The following ILRUN variants were observed in gnomAD, a reference collection of about 807,000 sequenced individuals.
ILRUN encodes the protein inflammation and lipid regulator with UBA-like and NBR1-like domains, also known as protein ILRUN.
In ILRUN, 3 loss-of-function variants were observed where a neutral mutation model predicts 33.8. The ratio of observed to expected loss-of-function variants is 0.09; its 90% CI spans 0.04 to 0.23. The LOEUF (loss-of-function observed/expected upper bound fraction) is 0.23. Ranked by LOEUF, ILRUN falls within the 10% of genes least tolerant of loss-of-function variation. The probability of loss-of-function intolerance (pLI) is 1.00; values close to 1 mark genes in which losing one functional copy is unlikely to be tolerated. For synonymous variants in ILRUN, 124 were observed against 138.9 expected, an observed-to-expected ratio of 0.89 and a Z score of 0.75; for missense variants, 210 against 375.1, an observed-to-expected ratio of 0.56 and a Z score of 3.64.
chr6:34,643,988 C>G (rs974773801), intron 3 of ILRUN, among the ~76,000 whole-genome samples: 3 of 152,234 alleles, frequency 2.0e-5, no homozygotes, highest in African/African-American at 7.2e-5. Flanking sequence ...AGGCTTGAAC[C>G]ACTGCACCCG....
At chr6:34,694,895 A>G (rs1763725440) in intron 1 of ILRUN, among the ~76,000 whole-genome samples, 1 of 151,858 alleles carries the variant, frequency 6.6e-6, no homozygotes, top group Admixed American at 6.6e-5. Context: ...TAAAAATACA[A>G]AAAAAATTAG....
At chr6:34,594,422 T>C (rs1262455158) in intron 4 of ILRUN, among the ~76,000 whole-genome samples, 2 of 152,156 alleles carry the variant, frequency 1.3e-5, no homozygotes. Flanking sequence ...AGGGTATAAA[T>C]ACTCAAACCC....
intron 1 of ILRUN, among the ~76,000 whole-genome samples, chr6:34,695,050 CAAA>C (rs60744554): frequency 2.7e-5 from 3 of 110,816 alleles, no homozygotes; most frequent in African/African-American, 3.7e-5. Context: ...GACTCCGTCT[CAAA>C]AAAAAAAAAA....
chr6:34,662,442 C>G (rs1276533087), intron 1 of ILRUN, among the ~76,000 whole-genome samples: 1 of 152,120 alleles, frequency 6.6e-6, no homozygotes, highest in Admixed American at 6.5e-5. Context: ...AAAGAATATG[C>G]GTGTTCAGAG....
Position 34,646,769 on chromosome 6 carries a change from G to A in ILRUN, c.343C>T (p.Leu115Phe). 6.2e-7 allele frequency: 1 copy of A among 1,614,010 alleles called. No individual in the cohort carries two copies. Among genetic ancestry groups the A allele is most frequent in the Non-Finnish European group, 8.5e-7 (1 of 1,180,034 alleles). The change falls in exon 3 of 5, where the codon CTT (leucine) becomes TTT (phenylalanine). Residue 115 changes from leucine to phenylalanine, a missense_variant. This residue lies in a region of ILRUN where 60 missense variants were observed against 138.1 expected (regional missense o/e 0.43). Coordinates refer to ENST00000374023, the MANE Select transcript of ILRUN (RefSeq NM_024294.4). This position sits in a 1 kb window ranked among gnomAD's most constrained non-coding sequence, Gnocchi z 4.9. ...GAEAWPPGVC[L>F]KYVGGDQFGH... ...AATTGGTCTCCCCCGACATATTTAA[G>A]ACAAACCCCTGGAGGCCAGGCCTCT...
chr6:34,653,681 T>C (rs746423742), intron 2 of ILRUN, among the ~76,000 whole-genome samples: 5 of 152,184 alleles, frequency 3.3e-5, no homozygotes, highest in African/African-American at 4.8e-5. Flanking sequence ...TCCTCCTGCC[T>C]TGACCTGTAA....
intron 3 of ILRUN, among the ~76,000 whole-genome samples, chr6:34,640,943 G>A (rs1015862207): frequency 2.6e-5 from 4 of 151,576 alleles, no homozygotes; most frequent in African/African-American, 9.7e-5. Flanking sequence ...GCCGGGCATG[G>A]TGGCACATGC....
intron 3 of ILRUN, among the ~76,000 whole-genome samples, chr6:34,623,973 A>G (rs1762062376): frequency 6.6e-6 from 1 of 152,152 alleles, no homozygotes; most frequent in African/African-American, 2.4e-5. Context: ...CTGGGAGCAC[A>G]GGTGCCTGTC....
intron 2 of ILRUN, among the ~76,000 whole-genome samples, chr6:34,647,172 C>T (rs908661442): frequency 6.6e-6 from 1 of 152,162 alleles, no homozygotes; most frequent in Non-Finnish European, 1.5e-5. Context: ...GCTCTCTCTA[C>T]TAAAAGGTAA....
chr6:34,641,100 A>G (rs992731943), intron 3 of ILRUN, among the ~76,000 whole-genome samples: 1 of 150,676 alleles, frequency 6.6e-6, no homozygotes, highest in Non-Finnish European at 1.5e-5. Flanking sequence ...AAAAAAAACA[A>G]ATTATAGAAA....
chr6:34,683,439 T>TACATATATATACATATATATAC (rs1763426190), intron 1 of ILRUN, among the ~76,000 whole-genome samples: 1 of 106,746 alleles, frequency 9.4e-6, no homozygotes. Flanking sequence ...CATATATATA[T>TACATATATATACATATATATAC]ACATATATAT....
intron 1 of ILRUN, among the ~76,000 whole-genome samples, chr6:34,675,444 A>C (rs556774837): frequency 6.6e-6 from 1 of 152,192 alleles, no homozygotes; most frequent in Non-Finnish European, 1.5e-5. Flanking sequence ...ATGTTAAGGT[A>C]CTAACATTGA....
intron 2 of ILRUN, among the ~76,000 whole-genome samples, chr6:34,650,614 G>C (rs989136989): frequency 6.6e-6 from 1 of 151,636 alleles, no homozygotes; most frequent in Non-Finnish European, 1.5e-5. Flanking sequence ...TGCAGTTTTA[G>C]TAGAGATGGG....
intron 3 of ILRUN, among the ~76,000 whole-genome samples, chr6:34,634,798 T>TA (rs1182754244): frequency 6.6e-6 from 1 of 152,188 alleles, no homozygotes; most frequent in African/African-American, 2.4e-5. Flanking sequence ...ATTGAAAACC[T>TA]AAACACCTCC....
intron 1 of ILRUN, among the ~76,000 whole-genome samples, chr6:34,686,037 T>C (rs1040331157): frequency 6.6e-6 from 1 of 152,066 alleles, no homozygotes; most frequent in East Asian, 1.9e-4. Flanking sequence ...TTCTAAGATA[T>C]GACATCAAAA....
At chr6:34,645,862 T>C (rs914372366) in intron 3 of ILRUN, among the ~76,000 whole-genome samples, 2 of 152,060 alleles carry the variant, frequency 1.3e-5, no homozygotes, top group African/African-American at 4.8e-5. Context: ...ACTAAGAATC[T>C]AGGAATCCCA....
Position 34,646,697 on chromosome 6 carries a change from T to C in ILRUN, c.415A>G (p.Ile139Val). The change falls in exon 3 of 5, where the codon ATT (isoleucine) becomes GTT (valine). Residue 139 changes from isoleucine (I) to valine (V), a missense_variant. Around this residue, in one of 4 missense-constraint regions of ILRUN, gnomAD observed 60 missense variants for 138.1 expected, o/e 0.43. Transcript: ENST00000374023. The surrounding 1 kb of genome is among the most constrained non-coding windows in gnomAD (Gnocchi z 4.9). Reference sequence around the variant, plus strand: ...CACATCTGGACGCTGACATCTGCAATCTCTTGGGGCTCTAGCGATCTCACC... The same window carrying C: ...CACATCTGGACGCTGACATCTGCAACCTCTTGGGGCTCTAGCGATCTCACC... ...VMVRSLEPQE[I>V]ADVSVQMCSP... 1 of 1,614,136 alleles carries C rather than the reference T, an allele frequency of 6.2e-7. No individual in the cohort carries two copies. The highest frequency in any genetic ancestry group is 2.2e-5 in the East Asian group (1 of 44,876).
chr6:34,683,520 A>T (rs745849794), intron 1 of ILRUN, among the ~76,000 whole-genome samples: 1 of 125,132 alleles, frequency 8.0e-6, no homozygotes, highest in Non-Finnish European at 1.6e-5. Context: ...ATATACATAT[A>T]TATATATACA....
intron 1 of ILRUN, among the ~76,000 whole-genome samples, chr6:34,683,511 T>C (rs999345063): frequency 0.19 from 16,057 of 83,698 alleles, 1,471 homozygotes; most frequent in East Asian, 0.36. Flanking sequence ...TATATATATA[T>C]ATACATATAT....
Sources: allele counts gnomAD v4.1 joint callset (sites outside exome capture counted in the v4.1 genomes callset), GRCh38; gene constraint gnomAD v4.1.1; regional missense constraint gnomAD v4.1.1; non-coding constraint Gnocchi (gnomAD v3.1); transcripts MANE v1.5; gene names NCBI Gene and HGNC (gene_info 2026-07-23, HGNC 2026-07-21).